Variants in BCORL1 observed in about 807,000 individuals in gnomAD.
The protein encoded by BCORL1 is BCL-6 corepressor-like protein 1.
A neutral mutation model predicts 87.6 loss-of-function variants in BCORL1; 7 were observed. The observed-to-expected ratio is 0.08, with a 90% CI of 0.05 to 0.15. BCORL1 has a LOEUF of 0.15. Among genes scored for constraint, BCORL1 ranks in the 10% least tolerant of loss-of-function variants. The probability of loss-of-function intolerance (pLI) is 1.00; values close to 1 mark genes in which losing one functional copy is unlikely to be tolerated. For synonymous variants in BCORL1, 591 were observed against 634.4 expected, an observed-to-expected ratio of 0.93 and a Z score of 1.03; for missense variants, 1,215 against 1,499.7, an observed-to-expected ratio of 0.81 and a Z score of 3.13.
At chrX:129,987,465 G>A (rs1926726979) in intron 1 of BCORL1, among the ~76,000 whole-genome samples, 1 of 111,906 alleles carries the variant, frequency 8.9e-6, no homozygotes, top group Non-Finnish European at 1.9e-5. Context: ...TGGGATCCAG[G>A]CCTTACACAT....
At chrX:130,053,537 G>A (rs1291846863) in intron 13 of BCORL1, among the ~76,000 whole-genome samples, 2 of 112,026 alleles carry the variant, frequency 1.8e-5, no homozygotes, top group Admixed American at 1.9e-4. Flanking sequence ...AGGGTAGTCT[G>A]CATTAGGTGC....
intron 11 of BCORL1, among the ~76,000 whole-genome samples, chrX:130,045,702 C>T (rs1054501077): frequency 5.4e-5 from 6 of 111,214 alleles, no homozygotes; most frequent in Non-Finnish European, 1.1e-4. Flanking sequence ...ACTGAAGCCT[C>T]GACCTCCCGG....
At position 130,013,663 on chromosome X, in the gene BCORL1, G is replaced by A; in HGVS notation, c.891G>A (p.Leu297=). ...ASAPPSGPVP[L]SAPAPAPLSV... ...CTCCCCCTTCAGGCCCGGTTCCCTT[G>A]TCGGCTCCAGCTCCTGCCCCGCTTT... The change falls in exon 4 of 14, where the codon TTG becomes TTA. Residue 297 remains leucine, a synonymous_variant. Coordinates refer to ENST00000540052, the MANE Select transcript of BCORL1 (RefSeq NM_001379451.1). 2 of 1,210,635 alleles carry A rather than the reference G, an allele frequency of 1.7e-6. No individual in the cohort carries two copies. The highest frequency in any genetic ancestry group is 2.2e-6 in the Non-Finnish European group (2 of 895,328).
chrX:129,982,737 C>A lies in BCORL1; in HGVS notation c.-70C>A, dbSNP rs1197073687. 1 of 111,108 alleles carries A rather than the reference C, an allele frequency of 9.0e-6. No homozygotes were observed. Among genetic ancestry groups the A allele is most frequent in the Non-Finnish European group, 1.9e-5 (1 of 53,033 alleles). The allele number at this position is 111,108 out of a possible 1,213,427, so 9.2% of individuals were successfully genotyped here. The stretch of plus-strand genomic sequence containing the variant: ...CTCAGTTCCTAGAGTCCGACCGCCG[C>A]CGCCGCCGAGAGAGAGGAGAAGGAG... On this transcript the variant is annotated 5_prime_UTR_variant, in exon 1 of 14. Coordinates refer to ENST00000540052, the MANE Select transcript of BCORL1 (RefSeq NM_001379451.1).
At chrX:130,051,248 G>C (rs1932054996) in intron 12 of BCORL1, among the ~76,000 whole-genome samples, 1 of 112,668 alleles carries the variant, frequency 8.9e-6, no homozygotes, top group African/African-American at 3.2e-5. Context: ...CCTTCTGGCC[G>C]CAGCTTTCCT....
intron 7 of BCORL1, among the ~76,000 whole-genome samples, chrX:130,025,729 C>T (rs988727291): frequency 5.4e-5 from 6 of 110,611 alleles, no homozygotes; most frequent in Middle Eastern, 4.2e-3. Flanking sequence ...TTTGGGAGGA[C>T]GGGTTCTCTC....
rs375461860 is a variant in BCORL1 at position 130,013,183 on chromosome X, C to T, written c.411C>T (p.Ala137=). ...GCGCCGAGGCCAGCAACAGCAGGGC[C>T]GACTGCTCCTGGACTCCACTCAACA... ...SDSAEASNSR[A]DCSWTPLNTQ... is the part of the protein sequence containing the mutation. Residue 137 remains alanine (A), a synonymous_variant, in exon 4 of 14, where the codon GCC becomes GCT. Transcript: ENST00000540052. The T allele has an allele frequency of 7.8e-5, 94 of 1,210,486 alleles. No homozygotes were observed. The highest frequency in any genetic ancestry group is 2.2e-4 in the Admixed American group (10 of 45,846).
rs748001544 is a variant in BCORL1, at chrX:130,013,481, G to T, written c.709G>T (p.Val237Phe). The change falls in exon 4 of 14, where the codon GTT becomes TTT. Residue 237 changes from valine (V) to phenylalanine (F), a missense_variant. Transcript: ENST00000540052. ...VPAPVPHSGLVPVQVATSVPA... is the reference protein window; with the variant it reads ...VPAPVPHSGLFPVQVATSVPA... ...TGCCCCAGTCCCCCATTCAGGGCTT[G>T]TTCCAGTCCAAGTTGCCACTTCGGT... The T allele has an allele frequency of 5.8e-6, 7 of 1,210,720 alleles. No individual in the cohort carries two copies. The highest frequency in any genetic ancestry group is 7.8e-6 in the Non-Finnish European group (7 of 895,247).
chrX:130,050,719 C>T lies in BCORL1; in HGVS notation c.4843C>T (p.His1615Tyr). The stretch of plus-strand genomic sequence containing the variant: ...ACTGCCTGCTCTTCTTTCATCAGAT[C>T]ACCTCTCGGATCTTCAGGGCCGGGC... ...SDTMKRFLSD[H>Y]LSDLQGRAEG... Residue 1615 changes from histidine to tyrosine, a missense_variant and splice_region_variant, in exon 12 of 14, where the codon CAC (histidine) becomes TAC (tyrosine). Around this residue, in one of 5 missense-constraint regions of BCORL1, gnomAD observed 129 missense variants for 157.5 expected, o/e 0.82. Coordinates refer to ENST00000540052, the MANE Select transcript of BCORL1 (RefSeq NM_001379451.1). The T allele has an allele frequency of 8.3e-7, 1 of 1,210,566 alleles. No individual in the cohort carries two copies. The highest frequency in any genetic ancestry group is 3.0e-5 in the East Asian group (1 of 33,837).
intron 1 of BCORL1, among the ~76,000 whole-genome samples, chrX:130,004,496 C>T (rs1928324383): frequency 1.8e-5 from 2 of 111,344 alleles, no homozygotes; most frequent in African/African-American, 3.3e-5. Context: ...CCACCCGCCT[C>T]GGCCTCCCAA....
At chrX:130,006,988 A>T (rs1487462925) in intron 2 of BCORL1, among the ~76,000 whole-genome samples, 1 of 112,222 alleles carries the variant, frequency 8.9e-6, no homozygotes, top group Non-Finnish European at 1.9e-5. Flanking sequence ...AAGACACAGA[A>T]CAATATGGCT....
intron 10 of BCORL1, among the ~76,000 whole-genome samples, chrX:130,037,840 G>A (rs1176292779): frequency 3.6e-5 from 4 of 111,648 alleles, no homozygotes; most frequent in Admixed American, 2.8e-4. Flanking sequence ...GCAGTGAGCC[G>A]CGACCATGCC....
chrX:129,989,553 G>A (rs1345636277), intron 1 of BCORL1, among the ~76,000 whole-genome samples: 7 of 80,878 alleles, frequency 8.7e-5, no homozygotes, highest in South Asian at 7.0e-4. Flanking sequence ...TGCAACCTCC[G>A]TCTCCTGGGT....
At chrX:130,016,339 C>T (rs1271398707) in intron 4 of BCORL1, 126 bp downstream of exon 4, 22 of 891,888 alleles carry the variant, frequency 2.5e-5, no homozygotes, top group Middle Eastern at 4.3e-4. Context: ...GTGAACTGAA[C>T]GGATTGGAAG....
At chrX:129,997,700 G>C (rs1188482179) in intron 1 of BCORL1, among the ~76,000 whole-genome samples, 1 of 104,244 alleles carries the variant, frequency 9.6e-6, no homozygotes, top group Non-Finnish European at 1.9e-5. Flanking sequence ...GCTGAGACAG[G>C]AGAATCGCTT....
At position 130,015,915 on chromosome X, in the gene BCORL1, G is replaced by A. The variant is rs139795092; in HGVS notation, c.3143G>A (p.Arg1048Gln). 3.8e-4 allele frequency: 464 copies of A among 1,210,072 alleles called. No homozygotes were observed. The highest frequency in any genetic ancestry group is 4.8e-4 in the Non-Finnish European group (433 of 895,300). Residue 1048 changes from arginine (R) to glutamine (Q), a missense_variant, in exon 4 of 14, where the codon CGA (arginine) becomes CAA (glutamine). By Grantham distance (43) the Arg-to-Gln change is conservative. This residue lies in a region of BCORL1 where 861 missense variants were observed against 1,010.0 expected (regional missense o/e 0.85). Coordinates refer to ENST00000540052, the MANE Select transcript of BCORL1 (RefSeq NM_001379451.1). ...PQLGSQVDLG[R>Q]VKMEKVDGDV... ...CTTGGAAGCCAGGTGGATCTGGGGC[G>A]AGTGAAAATGGAGAAGGTGGATGGT...
intron 8 of BCORL1, among the ~76,000 whole-genome samples, chrX:130,032,737 T>C (rs12862193): frequency 0.033 from 1,714 of 51,451 alleles, 19 homozygotes; most frequent in Middle Eastern, 0.082. Flanking sequence ...TCTCTTCTAT[T>C]TATTTATTTA....
intron 5 of BCORL1, among the ~76,000 whole-genome samples, 191 bp from the exon 6 acceptor site, chrX:130,022,706 C>G (rs951353176): frequency 8.9e-6 from 1 of 112,343 alleles, no homozygotes; most frequent in African/African-American, 3.2e-5. Context: ...CCTGGAAACA[C>G]TCATTGTCTA....
intron 4 of BCORL1, 53 bp downstream of exon 4, chrX:130,016,266 C>G (rs1929441622): frequency 8.8e-7 from 1 of 1,132,239 alleles, no homozygotes; most frequent in African/African-American, 1.8e-5. Flanking sequence ...TGGTCTACTT[C>G]GTGCCATGGA....
Sources: gnomAD v4.1 joint callset for allele counts (sites outside exome capture counted in the v4.1 genomes callset) on GRCh38, gnomAD v4.1.1 for gene constraint, gnomAD v4.1.1 regional missense constraint, MANE v1.5 for transcripts, NCBI Gene and HGNC (gene_info 2026-07-23, HGNC 2026-07-21) for gene names.